Variants in AUTS2 observed in about 807,000 individuals in gnomAD.
AUTS2 encodes the protein autism susceptibility gene 2 protein.
In AUTS2, 17 loss-of-function variants were observed where a neutral mutation model predicts 112.4. That is an observed-to-expected ratio of 0.15 (90% CI 0.10 to 0.23). AUTS2 has a LOEUF of 0.23. AUTS2 is among the 10% of genes least tolerant of loss of function. The pLI is 1.00. For missense variants in AUTS2, 1,510 were observed against 1,701.6 expected (o/e 0.89, Z 1.98); for synonymous variants, 751 against 702.7 (o/e 1.07, Z -1.09).
At position 70,680,598 on chromosome 7, in the gene AUTS2, A is replaced by G. The variant is rs571739898; in HGVS notation, c.691-17971A>G. On this transcript the variant is annotated intron_variant, in intron 5 of 18. Coordinates refer to ENST00000342771, the MANE Select transcript of AUTS2 (RefSeq NM_015570.4). ...CATGCACCCCCAAACTCAGCTGGTC[A>G]TTTTGCAAATGCAGGTTGTCAGCTG... Among the ~76,000 whole-genome samples the G allele has an allele frequency of 2.0e-5, 3 of 152,292 alleles. No homozygotes were observed. The East Asian group carries it at 5.8e-4, about 29-fold the overall frequency.
chr7:70,622,312 T>C (rs930951017), intron 5 of AUTS2, among the ~76,000 whole-genome samples: 5 of 152,210 alleles, frequency 3.3e-5, no homozygotes, highest in African/African-American at 9.6e-5. Flanking sequence ...CCTGCCGTTG[T>C]CCTCTGTTCC....
intron 1 of AUTS2, among the ~76,000 whole-genome samples, chr7:69,602,018 G>A (rs1792436241): frequency 8.7e-5 from 2 of 23,060 alleles, no homozygotes; most frequent in African/African-American, 2.8e-4. Context: ...ATATGTGTGT[G>A]TGTATATATA....
chr7:70,327,165 G>A (rs751189615), intron 4 of AUTS2, among the ~76,000 whole-genome samples: 8 of 152,184 alleles, frequency 5.3e-5, no homozygotes, highest in South Asian at 2.1e-4. Flanking sequence ...TGATCTGCCC[G>A]CCTTGGCATC....
At chr7:69,973,234 A>T (rs1313101458) in intron 2 of AUTS2, among the ~76,000 whole-genome samples, 1 of 152,208 alleles carries the variant, frequency 6.6e-6, no homozygotes, top group Non-Finnish European at 1.5e-5. Context: ...TTACATGCAT[A>T]TTGTTAGTAT....
At chr7:70,290,983 T>A (rs2129611926) in intron 4 of AUTS2, 1 of 152,988 alleles carries the variant, frequency 6.5e-6, no homozygotes, top group African/African-American at 2.4e-5. Context: ...ATTCACAGGG[T>A]ATATTTGTTC....
At chr7:70,117,121 TTTTTTGTTTTTTTTTG>T (rs1805412685) in intron 2 of AUTS2, among the ~76,000 whole-genome samples, 6 of 127,092 alleles carry the variant, frequency 4.7e-5, no homozygotes, top group East Asian at 4.4e-4. Flanking sequence ...TTTTTTGTTT[TTTTTTGTTTTTTTTTG>T]TTTTTTTTTT....
intron 5 of AUTS2, among the ~76,000 whole-genome samples, chr7:70,506,689 T>A (rs1057338944): frequency 5.9e-5 from 9 of 152,218 alleles, no homozygotes; most frequent in African/African-American, 2.2e-4. Context: ...CAGCCAGCAG[T>A]CCCACGCTGC....
At chr7:70,102,147 C>T (rs188877218) in intron 2 of AUTS2, among the ~76,000 whole-genome samples, 4 of 133,054 alleles carry the variant, frequency 3.0e-5, no homozygotes, top group Admixed American at 2.6e-4. Flanking sequence ...GAGACAGAGT[C>T]TCGCACTTTC....
At chr7:69,996,818 A>G (rs909512697) in intron 2 of AUTS2, among the ~76,000 whole-genome samples, 5 of 152,108 alleles carry the variant, frequency 3.3e-5, no homozygotes, top group African/African-American at 1.2e-4. Flanking sequence ...CCATTTACTC[A>G]TAAACTGTAT....
chr7:69,696,300 C>T (rs547566491), intron 1 of AUTS2, among the ~76,000 whole-genome samples: 2 of 152,260 alleles, frequency 1.3e-5, no homozygotes, highest in African/African-American at 2.4e-5. Flanking sequence ...CACTTCCTCC[C>T]CAAGTGAGTT....
intron 1 of AUTS2, among the ~76,000 whole-genome samples, chr7:69,684,639 T>A (rs1009500828): frequency 2.6e-5 from 4 of 152,202 alleles, no homozygotes; most frequent in East Asian, 3.9e-4. Context: ...TGTTAATGAC[T>A]GTTACAGCTG....
At chr7:70,615,605 G>GTTGTTGTT (rs1436846954) in intron 5 of AUTS2, among the ~76,000 whole-genome samples, 1 of 126,692 alleles carries the variant, frequency 7.9e-6, no homozygotes, top group Non-Finnish European at 1.7e-5. Context: ...GTTGTTGTTG[G>GTTGTTGTT]AAAAGCATTT....
In AUTS2 at chr7:70,790,904, C is replaced by T. The variant is rs752771406; in HGVS notation, c.3688C>T (p.Arg1230Cys). 4.4e-6 allele frequency: 7 copies of T among 1,588,776 alleles called. No homozygotes were observed. The East Asian group carries it at 8.9e-5, about 20-fold the overall frequency. ...PPPLISTLGG[R>C]PVSPRRTTPL... The stretch of plus-strand genomic sequence containing the variant: ...CCCGCTCATCTCCACGCTGGGGGGC[C>T]GCCCGGTCTCTCCCAGAAGGACGAC... The change falls in exon 19 of 19, where the codon CGC becomes TGC. Residue 1230 changes from arginine to cysteine, a missense_variant. Physicochemically the swap from Arg to Cys is radical, Grantham distance 180. Transcript: ENST00000342771. The surrounding 1 kb of genome is among the most constrained non-coding windows in gnomAD (Gnocchi z 7.6).
intron 4 of AUTS2, among the ~76,000 whole-genome samples, chr7:70,397,132 C>T (rs1448368092): frequency 1.3e-5 from 2 of 151,338 alleles, no homozygotes; most frequent in South Asian, 2.1e-4. Flanking sequence ...GGCACGATCT[C>T]GGCTCACTGC....
chr7:70,062,470 G>A (rs912046682), intron 2 of AUTS2, among the ~76,000 whole-genome samples: 3 of 147,832 alleles, frequency 2.0e-5, no homozygotes, highest in African/African-American at 7.6e-5. Flanking sequence ...CCAAGATCAC[G>A]CCACTGCACT....
intron 4 of AUTS2, among the ~76,000 whole-genome samples, chr7:70,161,503 G>A (rs1011057758): frequency 3.3e-5 from 5 of 150,940 alleles, no homozygotes; most frequent in African/African-American, 1.2e-4. Context: ...TTTAATGCCT[G>A]CTTACATTCA....
chr7:70,481,387 T>C (rs1192224073), intron 5 of AUTS2, among the ~76,000 whole-genome samples: 3 of 152,232 alleles, frequency 2.0e-5, no homozygotes, highest in Non-Finnish European at 4.4e-5. Flanking sequence ...TGGTCAACTT[T>C]TAAGCAAGCT....
At chr7:70,076,195 A>G (rs988067549) in intron 2 of AUTS2, among the ~76,000 whole-genome samples, 1 of 152,146 alleles carries the variant, frequency 6.6e-6, no homozygotes, top group Admixed American at 6.5e-5. Flanking sequence ...TGGCGTAAAG[A>G]CGTTTTATTT....
chr7:70,300,809 A>T (rs1207877460), intron 4 of AUTS2, among the ~76,000 whole-genome samples: 1 of 152,180 alleles, frequency 6.6e-6, no homozygotes. Flanking sequence ...TGGGATGTAG[A>T]CACATAATGT....
Sources: allele counts gnomAD v4.1 joint callset (sites outside exome capture counted in the v4.1 genomes callset), GRCh38; gene constraint gnomAD v4.1.1; non-coding constraint Gnocchi (gnomAD v3.1); transcripts MANE v1.5; gene names NCBI Gene and HGNC (gene_info 2026-07-23, HGNC 2026-07-21).